TUBB3: variants seen among roughly 807,000 people sequenced by gnomAD.
TUBB3 encodes the protein tubulin beta 3 class III.
Under a neutral mutation model 37.8 loss-of-function variants are expected in TUBB3, and 17 were observed. The ratio of observed to expected loss-of-function variants is 0.45; its 90% CI spans 0.31 to 0.67. The LOEUF is 0.67. Among genes scored for constraint, TUBB3 ranks in the 30% least tolerant of loss-of-function variants. The pLI, the probability that TUBB3 is intolerant of heterozygous loss-of-function variation, is 0.07. For missense variants in TUBB3, 262 were observed against 657.9 expected, an observed-to-expected ratio of 0.40 and a Z score of 6.58; for synonymous variants, 332 against 278.9, an observed-to-expected ratio of 1.19 and a Z score of -1.90.
upstream of TUBB3, chr16:89,922,527 G>C (rs933996490): frequency 6.6e-6 from 1 of 152,316 alleles, no homozygotes; most frequent in African/African-American, 2.4e-5. Context: ...CAGAGAGTGA[G>C]TCAGATAGAA....
At chr16:89,929,414 A>G (rs2144408919) in intron 1 of TUBB3, among the ~76,000 whole-genome samples, 1 of 152,240 alleles carries the variant, frequency 6.6e-6, no homozygotes, top group East Asian at 1.9e-4. Context: ...ACCTCTGATA[A>G]CAGTCTCAGG....
At chr16:89,925,068 G>A (rs974791829) in intron 1 of TUBB3, among the ~76,000 whole-genome samples, 1 of 152,206 alleles carries the variant, frequency 6.6e-6, no homozygotes, top group East Asian at 1.9e-4. Flanking sequence ...TGGGCCCAGA[G>A]CTGTGGTCCC....
chr16:89,924,380 G>C (rs1465086546), intron 1 of TUBB3, among the ~76,000 whole-genome samples: 1 of 151,994 alleles, frequency 6.6e-6, no homozygotes, highest in Non-Finnish European at 1.5e-5. Flanking sequence ...CCCTGCAGGA[G>C]CCAACCTGGG....
chr16:89,935,940 A>G lies in TUBB3; in HGVS notation c.*136A>G, dbSNP rs1182293751. ...GGCTCCCTTGCCGCCCTCCTGCAGT[A>G]TTTATGGCCTCGTCCTCCCCACCTA... On this transcript the variant is annotated 3_prime_UTR_variant, in exon 4 of 4. Transcript: ENST00000315491. The G allele has an allele frequency of 4.3e-6, 5 of 1,161,906 alleles. No individual in the cohort carries two copies. In the African/African-American group the frequency reaches 7.7e-5, roughly 18 times the overall value. The allele number at this position is 1,161,906 out of a possible 1,614,324, so 72.0% of individuals were successfully genotyped here. A position where few individuals can be genotyped will look rare whatever the true frequency, so the allele number is the denominator to read the frequency against.
At chr16:89,928,787 G>A (rs1448269159) in intron 1 of TUBB3, among the ~76,000 whole-genome samples, 3 of 152,036 alleles carry the variant, frequency 2.0e-5, no homozygotes, top group Non-Finnish European at 4.4e-5. Context: ...GCCTCCCAAA[G>A]TGCTAGGACC....
chr16:89,923,510 G>A (rs1421539268), intron 1 of TUBB3, 52 bp downstream of exon 1: 1 of 1,367,370 alleles, frequency 7.3e-7, no homozygotes, highest in Non-Finnish European at 9.5e-7. Context: ...GAGGAGGGAG[G>A]CGCCGTGCCC....
At chr16:89,925,021 T>G (rs901733131) in intron 1 of TUBB3, among the ~76,000 whole-genome samples, 11 of 151,874 alleles carry the variant, frequency 7.2e-5, no homozygotes, top group African/African-American at 2.7e-4. Flanking sequence ...CAGGCAGCCC[T>G]GGGGCCCACC....
intron 1 of TUBB3, among the ~76,000 whole-genome samples, chr16:89,924,917 C>T (rs1273420091): frequency 6.7e-6 from 1 of 148,158 alleles, no homozygotes; most frequent in Non-Finnish European, 1.5e-5. Context: ...CCCTGAGCAT[C>T]TGCTCCTGGG....
chr16:89,934,209 T>C (rs111498978), intron 3 of TUBB3: 3,404 of 309,682 alleles, frequency 0.011, 58 homozygotes, highest in African/African-American at 0.039. Flanking sequence ...CACGTTCCCA[T>C]GCCTGTGTCC....
chr16:89,934,711 C>T lies in TUBB3; in HGVS notation c.278-18C>T. The stretch of plus-strand genomic sequence containing the variant: ...GAGTCCCTGGCCCCTGTCTCTTACC[C>T]CTCTTCTCCCTGTACAGGTCAGAGT... On this transcript the variant is annotated intron_variant, in intron 3 of 3. Coordinates refer to ENST00000315491, the MANE Select transcript of TUBB3 (RefSeq NM_006086.4). The T allele has an allele frequency of 2.5e-6, 4 of 1,612,908 alleles. No individual in the cohort carries two copies. The South Asian group carries it at 4.4e-5, about 18-fold the overall frequency.
chr16:89,935,081 C>A lies in TUBB3; in HGVS notation c.630C>A (p.Ile210=). The change falls in exon 4 of 4, where the codon ATC becomes ATA. Residue 210 remains isoleucine (I), a synonymous_variant. Transcript: ENST00000315491. ...YCIDNEALYD[I]CFRTLKLATP... The stretch of plus-strand genomic sequence containing the variant: ...TCGACAACGAGGCGCTCTACGACAT[C>A]TGCTTCCGCACCCTCAAGCTGGCCA... 1 of 1,614,206 alleles carries A rather than the reference C, an allele frequency of 6.2e-7. No individual in the cohort carries two copies. Among genetic ancestry groups the A allele is most frequent in the East Asian group, 2.2e-5 (1 of 44,882 alleles).
At chr16:89,932,817 A>G (rs1055111801) in intron 2 of TUBB3, 138 bp downstream of exon 2, 11 of 723,260 alleles carry the variant, frequency 1.5e-5, no homozygotes, top group Non-Finnish European at 2.2e-5. Flanking sequence ...CTGAGATGCC[A>G]GCAGGCGTAA....
intron 1 of TUBB3, among the ~76,000 whole-genome samples, chr16:89,930,637 G>A (rs1329188836): frequency 4.0e-5 from 6 of 151,854 alleles, no homozygotes; most frequent in African/African-American, 1.5e-4. Context: ...GACTTCCGGT[G>A]ATCTGCCCAC....
chr16:89,931,883 C>A (rs1317161410), intron 1 of TUBB3: 1 of 405,486 alleles, frequency 2.5e-6, no homozygotes, highest in Non-Finnish European at 5.1e-6. Context: ...AGAGAGAGGA[C>A]GACCCCTGGG....
chr16:89,935,277 C>T lies in TUBB3; in HGVS notation c.826C>T (p.Arg276Trp). Residue 276 changes from arginine to tryptophan, a missense_variant, in exon 4 of 4, where the codon CGG (arginine) becomes TGG (tryptophan). By Grantham distance (101) the Arg-to-Trp change is moderately radical. This residue lies in a region of TUBB3 where 165 missense variants were observed against 556.8 expected (regional missense o/e 0.30). Coordinates refer to ENST00000315491, the MANE Select transcript of TUBB3 (RefSeq NM_006086.4). ...FMPGFAPLTARGSQQYRALTV... is the reference protein window; with the variant it reads ...FMPGFAPLTAWGSQQYRALTV... ...GCCCGGCTTCGCCCCCCTCACAGCCCGGGGCAGCCAGCAGTACCGGGCCCT... is the reference window on the plus strand; with the variant it reads ...GCCCGGCTTCGCCCCCCTCACAGCCTGGGGCAGCCAGCAGTACCGGGCCCT... 8 of 1,613,700 alleles carry T rather than the reference C, an allele frequency of 5.0e-6. No homozygotes were observed. Among genetic ancestry groups the T allele is most frequent in the Non-Finnish European group, 5.9e-6 (7 of 1,179,956 alleles).
intron 3 of TUBB3, chr16:89,934,510 T>G: frequency 1.5e-6 from 1 of 648,556 alleles, no homozygotes; most frequent in Non-Finnish European, 2.8e-6. Context: ...CCCCAAGTTC[T>G]CAAGACTCTG....
chr16:89,926,039 AC>A (rs2030065629), intron 1 of TUBB3, among the ~76,000 whole-genome samples: 1 of 151,392 alleles, frequency 6.6e-6, no homozygotes, highest in African/African-American at 2.4e-5. Flanking sequence ...GCCTGCAGTC[AC>A]CCCGGGGGGG....
At chr16:89,924,055 A>G (rs1306497191) in intron 1 of TUBB3, among the ~76,000 whole-genome samples, 2 of 152,202 alleles carry the variant, frequency 1.3e-5, no homozygotes, top group East Asian at 3.9e-4. Flanking sequence ...CAGGCTCTCC[A>G]TCGGCGCAGC....
At chr16:89,927,261 T>A (rs2144405495) in intron 1 of TUBB3, among the ~76,000 whole-genome samples, 2 of 151,848 alleles carry the variant, frequency 1.3e-5, no homozygotes, top group African/African-American at 4.8e-5. Flanking sequence ...CACGCCGGCC[T>A]GTGGTCCCAG....
Sources: allele counts gnomAD v4.1 joint callset (sites outside exome capture counted in the v4.1 genomes callset), GRCh38; gene constraint gnomAD v4.1.1; regional missense constraint gnomAD v4.1.1; transcripts MANE v1.5; gene names NCBI Gene and HGNC (gene_info 2026-07-23, HGNC 2026-07-21).